MYO10: variants seen among roughly 807,000 people sequenced by gnomAD.
MYO10 encodes unconventional myosin-X.
A neutral mutation model predicts 257.3 loss-of-function variants in MYO10; 133 were observed. The ratio of observed to expected loss-of-function variants is 0.52; its 90% CI spans 0.45 to 0.60. MYO10 has a LOEUF of 0.60. MYO10 is among the 20% of genes least tolerant of loss of function. MYO10 has a pLI of 0.00. For synonymous variants in MYO10, 1,104 were observed against 1,028.6 expected, an observed-to-expected ratio of 1.07 and a Z score of -1.40; for missense variants, 2,399 against 2,635.7, an observed-to-expected ratio of 0.91 and a Z score of 1.97.
At chr5:16,710,237 A>G (rs568977087) in intron 21 of MYO10, among the ~76,000 whole-genome samples, 50 of 152,276 alleles carry the variant, frequency 3.3e-4, no homozygotes, top group African/African-American at 1.2e-3. Flanking sequence ...AAGTCATTGA[A>G]GGTGGGTGGG....
intron 3 of MYO10, among the ~76,000 whole-genome samples, chr5:16,805,003 C>T (rs1742229849): frequency 6.6e-6 from 1 of 152,228 alleles, no homozygotes; most frequent in Non-Finnish European, 1.5e-5. Context: ...TACCACCCCA[C>T]TCTTCAATTT....
At chr5:16,887,411 A>G (rs1744925085) in intron 1 of MYO10, among the ~76,000 whole-genome samples, 1 of 152,246 alleles carries the variant, frequency 6.6e-6, no homozygotes, top group African/African-American at 2.4e-5. Context: ...GGATGCCTCA[A>G]TTATAAATGT....
At chr5:16,889,814 C>T (rs569903201) in intron 1 of MYO10, among the ~76,000 whole-genome samples, 3 of 151,794 alleles carry the variant, frequency 2.0e-5, no homozygotes, top group African/African-American at 7.3e-5. Context: ...TTGCACTCTG[C>T]GTGAAATCTG....
intron 1 of MYO10, among the ~76,000 whole-genome samples, chr5:16,935,573 C>G (rs1416916616): frequency 6.6e-6 from 1 of 152,094 alleles, no homozygotes; most frequent in Non-Finnish European, 1.5e-5. Context: ...TCGCTACCTC[C>G]CGGAGCAAAA....
intron 2 of MYO10, among the ~76,000 whole-genome samples, chr5:16,843,156 T>G (rs1743535058): frequency 6.6e-6 from 1 of 152,072 alleles, no homozygotes; most frequent in Admixed American, 6.6e-5. Context: ...GAAACCACAC[T>G]GAGCTAGCCC....
intron 19 of MYO10, among the ~76,000 whole-genome samples, chr5:16,715,236 G>GTTTCTATAAAC (rs1470430653): frequency 6.8e-6 from 1 of 148,138 alleles, no homozygotes; most frequent in East Asian, 2.0e-4. Flanking sequence ...AAACAAGCTA[G>GTTTCTATAAAC]AAAGAATCTT....
intron 2 of MYO10, among the ~76,000 whole-genome samples, chr5:16,836,035 G>A (rs1207008216): frequency 6.6e-6 from 1 of 152,236 alleles, no homozygotes; most frequent in East Asian, 1.9e-4. Flanking sequence ...CTAAGAGCCA[G>A]AGGATCTGAG....
chr5:16,867,590 A>G (rs558120500), intron 2 of MYO10, among the ~76,000 whole-genome samples: 28 of 152,212 alleles, frequency 1.8e-4, no homozygotes, highest in Non-Finnish European at 3.5e-4. Context: ...AAGTTTCACA[A>G]AATTGGGCCG....
intron 3 of MYO10, among the ~76,000 whole-genome samples, chr5:16,806,422 G>A (rs887925962): frequency 3.3e-5 from 5 of 151,692 alleles, no homozygotes; most frequent in Admixed American, 1.3e-4. Context: ...AGAGGCGGGC[G>A]GATCACGAGG....
In MYO10 at chr5:16,919,545, C is replaced by T. The variant is rs140229979; in HGVS notation, c.21+16243G>A. ...TTCTCTAAGACTCTGTGTTCTCATA[C>T]ATAAAATAAAGATGTAAACAATACA... On this transcript the variant is annotated intron_variant, in intron 1 of 40. Transcript: ENST00000513610. Among the ~76,000 whole-genome samples, 551 of 152,216 alleles carry T rather than the reference C, an allele frequency of 3.6e-3. 6 individuals carry two copies. Among genetic ancestry groups the T allele is most frequent in the African/African-American group, 0.013 (538 of 41,530 alleles).
At chr5:16,699,796 A>AGG in intron 25 of MYO10, among the ~76,000 whole-genome samples, 1 of 151,260 alleles carries the variant, frequency 6.6e-6, no homozygotes, top group African/African-American at 2.4e-5. Flanking sequence ...CAAAAAAAAA[A>AGG]AAAAAAAAAA....
intron 4 of MYO10, among the ~76,000 whole-genome samples, chr5:16,786,485 A>T (rs955499210): frequency 1.3e-5 from 2 of 152,204 alleles, no homozygotes; most frequent in African/African-American, 2.4e-5. Context: ...GAATATCTGC[A>T]TTACACCAAC....
chr5:16,693,095 C>T (rs749131176), intron 27 of MYO10, among the ~76,000 whole-genome samples: 7 of 152,098 alleles, frequency 4.6e-5, no homozygotes, highest in East Asian at 1.9e-4. Flanking sequence ...GGCGAAACCC[C>T]GTCTCTACCA....
chr5:16,906,242 T>G (rs1745515707), intron 1 of MYO10, among the ~76,000 whole-genome samples: 1 of 152,118 alleles, frequency 6.6e-6, no homozygotes, highest in Non-Finnish European at 1.5e-5. Context: ...CACCACACCC[T>G]GGAATGAGGA....
chr5:16,816,764 G>A (rs1272067568), intron 3 of MYO10, among the ~76,000 whole-genome samples: 3 of 151,744 alleles, frequency 2.0e-5, no homozygotes, highest in Non-Finnish European at 4.4e-5. Context: ...TCTTGATCTC[G>A]TGATCCGCCC....
At chr5:16,925,329 A>G (rs1238988693) in intron 1 of MYO10, among the ~76,000 whole-genome samples, 1 of 152,238 alleles carries the variant, frequency 6.6e-6, no homozygotes, top group East Asian at 1.9e-4. Context: ...AAACATCTGC[A>G]TGACTGAGAA....
chr5:16,854,760 G>C (rs1486294161), intron 2 of MYO10, among the ~76,000 whole-genome samples: 2 of 152,196 alleles, frequency 1.3e-5, no homozygotes, highest in African/African-American at 4.8e-5. Flanking sequence ...GGCCGGGCAT[G>C]GTGGCTCACA....
chr5:16,886,460 C>T (rs1031353670), intron 1 of MYO10, among the ~76,000 whole-genome samples: 15 of 152,128 alleles, frequency 9.9e-5, no homozygotes, highest in African/African-American at 2.9e-4. Flanking sequence ...TTCAGAATTC[C>T]GACATAATTT....
Position 16,762,755 on chromosome 5 carries a change from G to A in MYO10, c.1495-118C>T, listed in dbSNP as rs993303455. 2.6e-5 allele frequency: 18 copies of A among 686,650 alleles called. No homozygotes were observed. The East Asian group carries it at 4.6e-4, about 18-fold the overall frequency. 42.5% of individuals were successfully genotyped at this position (686,650 alleles called of 1,614,324 possible). On this transcript the variant is annotated intron_variant, in intron 14 of 40. Coordinates refer to ENST00000513610, the MANE Select transcript of MYO10 (RefSeq NM_012334.3). ...AAGATGGGCAGATCATTTGAGGTCA[G>A]GAGTTCCAGACCAGCCTGGCCAACA...
Sources: gnomAD v4.1 joint callset for allele counts (sites outside exome capture counted in the v4.1 genomes callset) on GRCh38, gnomAD v4.1.1 for gene constraint, MANE v1.5 for transcripts, NCBI Gene and HGNC (gene_info 2026-07-23, HGNC 2026-07-21) for gene names.